Variants in SPDYE5 observed in about 807,000 individuals in gnomAD.
SPDYE5 encodes speedy protein E5.
In SPDYE5, 15 loss-of-function variants were observed where a neutral mutation model predicts 48.5. That is an observed-to-expected ratio of 0.31 (90% CI 0.21 to 0.48). The LOEUF is 0.48. Ranked by LOEUF, SPDYE5 falls within the 20% of genes least tolerant of loss-of-function variation. The probability of loss-of-function intolerance (pLI) is 0.99; values close to 1 mark genes in which losing one functional copy is unlikely to be tolerated. For synonymous variants in SPDYE5, 116 were observed against 200.7 expected (o/e 0.58, Z 3.57); for missense variants, 331 against 549.1 (o/e 0.60, Z 3.97).
chr7:75,498,993 C>T (rs1793044276), intron 5 of SPDYE5, among the ~76,000 whole-genome samples: 1 of 146,884 alleles, frequency 6.8e-6, no homozygotes, highest in Admixed American at 7.0e-5. Context: ...CTCCAAAGAT[C>T]CCATCGGAGC....
intron 3 of SPDYE5, among the ~76,000 whole-genome samples, chr7:75,496,034 AGAAG>A (rs1436795236): frequency 1.4e-5 from 2 of 147,836 alleles, no homozygotes; most frequent in African/African-American, 2.5e-5. Flanking sequence ...AAAAAAAAAA[AGAAG>A]GAAGGAAGGG....
rs587761588 is a variant in SPDYE5, at chr7:75,501,721, G to A, written c.1115G>A (p.Gly372Asp). 1 of 1,611,642 alleles carries A rather than the reference G, an allele frequency of 6.2e-7. No individual in the cohort carries two copies. Among genetic ancestry groups the A allele is most frequent in the East Asian group, 2.2e-5 (1 of 44,862 alleles). The change falls in exon 7 of 9, where the codon GGC becomes GAC. Residue 372 changes from glycine (G) to aspartate (D), a missense_variant. Gly to Asp is a moderately conservative substitution (Grantham distance 94). Around this residue, in one of 8 missense-constraint regions of SPDYE5, gnomAD observed 101 missense variants for 104.0 expected, o/e 0.97. Transcript: ENST00000625065. ...RRFQFFCSMS[G>D]RAWVSPEELE... ...TTCCAGTTCTTCTGTTCCATGAGCG[G>A]CAGGGCTTGGGTTTCCCCGGAGGAG...
rs1363215530 is a variant in SPDYE5, at chr7:75,494,043, A to C, written c.-5A>C. ...CTGGATCCTAGCAGTGATCAGAAGA[A>C]GGCCATGGACAGAACGGAGACTAGG... On this transcript the variant is annotated 5_prime_UTR_variant, in exon 2 of 9. Transcript: ENST00000625065. The C allele has an allele frequency of 9.8e-6, 15 of 1,523,860 alleles. No homozygotes were observed. The highest frequency in any genetic ancestry group is 4.8e-5 in the South Asian group (4 of 83,324). 94.4% of individuals were successfully genotyped at this position (1,523,860 alleles called of 1,614,324 possible).
Position 75,501,761 on chromosome 7 carries a change from T to G in SPDYE5, c.1149+6T>G, listed in dbSNP as rs1584743616. ...CCCCGGAGGAGTTGGAGGAGGTAGG[T>G]GGGGCCTGGGGAGGTGGAGGAGGTG... is the stretch of plus-strand genomic sequence containing the variant. On this transcript the variant is annotated splice_donor_region_variant and intron_variant, in intron 7 of 8. Coordinates refer to ENST00000625065, the MANE Select transcript of SPDYE5 (RefSeq NM_001306141.4). 4.2e-6 allele frequency: 6 copies of G among 1,429,630 alleles called. No homozygotes were observed. In the African/African-American group the frequency reaches 7.0e-5, roughly 17 times the overall value. 88.6% of individuals were successfully genotyped at this position (1,429,630 alleles called of 1,614,324 possible). A position where few individuals can be genotyped will look rare whatever the true frequency, so the allele number is the denominator to read the frequency against.
intron 8 of SPDYE5, among the ~76,000 whole-genome samples, chr7:75,502,309 T>C (rs62477727): frequency 3.0e-4 from 45 of 149,976 alleles, no homozygotes; most frequent in African/African-American, 8.6e-4. Flanking sequence ...TTATGATTGA[T>C]GCACTTGAGT....
At chr7:75,496,404 C>CAAAA (rs1175143877) in intron 3 of SPDYE5, among the ~76,000 whole-genome samples, 2 of 27,458 alleles carry the variant, frequency 7.3e-5, no homozygotes, top group Admixed American at 6.0e-4. Context: ...ACAACAACAA[C>CAAAA]AAAAAAAAAA....
At chr7:75,496,034 A>AAAGAAG (rs1554482476) in intron 3 of SPDYE5, among the ~76,000 whole-genome samples, 4 of 147,834 alleles carry the variant, frequency 2.7e-5, no homozygotes, top group Non-Finnish European at 6.0e-5. Flanking sequence ...AAAAAAAAAA[A>AAAGAAG]GAAGGAAGGA....
chr7:75,496,385 T>TCAACAACAA (rs1300121187), intron 3 of SPDYE5, among the ~76,000 whole-genome samples: 2 of 82,322 alleles, frequency 2.4e-5, no homozygotes, highest in Admixed American at 1.8e-4. Context: ...AGACTGTTTC[T>TCAACAACAA]CAACAACAAC....
In SPDYE5 at chr7:75,493,984, T is replaced by G. The variant is rs1792829609; in HGVS notation, c.-64T>G. On this transcript the variant is annotated 5_prime_UTR_variant, in exon 2 of 9. Transcript: ENST00000625065. ...CTCAGAGCTGTTCTCCACTCCTGAC[T>G]TCTCCTAGGCTTGAGAATTGATAAC... 1 of 1,514,438 alleles carries G rather than the reference T, an allele frequency of 6.6e-7. No homozygotes were observed. Among genetic ancestry groups the G allele is most frequent in the Non-Finnish European group, 8.8e-7 (1 of 1,136,718 alleles). The allele number at this position is 1,514,438 out of a possible 1,614,324, so 93.8% of individuals were successfully genotyped here.
At chr7:75,497,572 T>C (rs1554482769) in intron 4 of SPDYE5, among the ~76,000 whole-genome samples, 1 of 147,398 alleles carries the variant, frequency 6.8e-6, no homozygotes, top group African/African-American at 2.5e-5. Context: ...TTTCCATCCA[T>C]AGTGAGGGAT....
rs1488497369 is a variant in SPDYE5, at chr7:75,504,106, A to G, written c.*1319A>G. 1.3e-5 allele frequency: 2 copies of G among 152,164 alleles called. No individual in the cohort carries two copies. The highest frequency in any genetic ancestry group is 2.4e-5 in the African/African-American group (1 of 41,446). The allele number at this position is 152,164 out of a possible 1,614,324, so 9.4% of individuals were successfully genotyped here. A position where few individuals can be genotyped will look rare whatever the true frequency, so the allele number is the denominator to read the frequency against. On this transcript the variant is annotated 3_prime_UTR_variant, in exon 9 of 9. Coordinates refer to ENST00000625065, the MANE Select transcript of SPDYE5 (RefSeq NM_001306141.4). ...GTAGTTCCCCTAAATTCTTGTAAAAATAAATTTTTATTTGATATTTCATAT... is the reference window on the plus strand; with the variant it reads ...GTAGTTCCCCTAAATTCTTGTAAAAGTAAATTTTTATTTGATATTTCATAT...
chr7:75,491,702 ATTTTTTTTTTTT>A (rs782071463), upstream of SPDYE5, among the ~76,000 whole-genome samples: 16 of 70,906 alleles, frequency 2.3e-4, no homozygotes, highest in African/African-American at 5.8e-4. Context: ...CTGTTTAGCC[ATTTTTTTTTTTT>A]TTTTTTTTTT....
rs587723638 is a variant in SPDYE5 at position 75,502,038 on chromosome 7, C to T, written c.*45+56C>T. On this transcript the variant is annotated intron_variant, in intron 8 of 8. Coordinates refer to ENST00000625065, the MANE Select transcript of SPDYE5 (RefSeq NM_001306141.4). ...AATATTGGGGTCTATTTCGGAAATC[C>T]GAAGAACCCAATTGCTTGATCCGGC... The T allele has an allele frequency of 4.0e-4, 613 of 1,527,020 alleles. 8 individuals carry two copies. In the South Asian group the frequency reaches 6.3e-3, roughly 16 times the overall value. The allele number at this position is 1,527,020 out of a possible 1,614,324, so 94.6% of individuals were successfully genotyped here.
chr7:75,501,714 A>G lies in SPDYE5; in HGVS notation c.1108A>G (p.Met370Val), dbSNP rs782218696. The G allele has an allele frequency of 1.9e-5, 30 of 1,569,472 alleles. No homozygotes were observed. The highest frequency in any genetic ancestry group is 2.4e-5 in the Non-Finnish European group (28 of 1,153,924). Reference protein sequence around the residue: ...QKRRFQFFCSMSGRAWVSPEE... With the variant: ...QKRRFQFFCSVSGRAWVSPEE... ...ACGTCGGTTCCAGTTCTTCTGTTCCATGAGCGGCAGGGCTTGGGTTTCCCC... is the reference window on the plus strand; with the variant it reads ...ACGTCGGTTCCAGTTCTTCTGTTCCGTGAGCGGCAGGGCTTGGGTTTCCCC... The change falls in exon 7 of 9, where the codon ATG (methionine) becomes GTG (valine). Residue 370 changes from methionine (M) to valine (V), a missense_variant. Met to Val is a conservative substitution (Grantham distance 21). Transcript: ENST00000625065.
Position 75,503,111 on chromosome 7 carries a change from C to A in SPDYE5, c.*324C>A. The stretch of plus-strand genomic sequence containing the variant: ...CAGCACCACCACCCTTTCTATATTG[C>A]TGAATTCCAACCTCCCTGGGGCGGA... On this transcript the variant is annotated 3_prime_UTR_variant, in exon 9 of 9. Coordinates refer to ENST00000625065, the MANE Select transcript of SPDYE5 (RefSeq NM_001306141.4). 2 of 497,630 alleles carry A rather than the reference C, an allele frequency of 4.0e-6. No homozygotes were observed. Among genetic ancestry groups the A allele is most frequent in the Non-Finnish European group, 7.7e-6 (2 of 260,950 alleles). The allele number at this position is 497,630 out of a possible 1,614,324, so 30.8% of individuals were successfully genotyped here.
intron 4 of SPDYE5, among the ~76,000 whole-genome samples, chr7:75,497,264 ACT>A (rs1374056173): frequency 2.6e-5 from 4 of 151,676 alleles, no homozygotes; most frequent in Non-Finnish European, 5.9e-5. Context: ...AGAGCAAAAC[ACT>A]GTCTCAAAAG....
rs1584734848 is a variant in SPDYE5 at position 75,493,714 on chromosome 7, A to T, written c.-334A>T. ...TGGAGAGGACACAGCCTCTGCTGGG[A>T]CAGGGAACAGAGGGATGTGGAGTCC... On this transcript the variant is annotated 5_prime_UTR_variant, in exon 2 of 9. Transcript: ENST00000625065. The T allele has an allele frequency of 9.3e-6, 13 of 1,396,110 alleles. No homozygotes were observed. In the East Asian group the frequency reaches 3.4e-4, roughly 36 times the overall value. 86.5% of individuals were successfully genotyped at this position (1,396,110 alleles called of 1,614,324 possible).
rs1343643053 is a variant in SPDYE5, at chr7:75,499,953, C to T, written c.755+637C>T. ...GGTTCTTCTCTCTCTCTCCTTCCCA[C>T]ATCAACCACAAACGCCATCGACCTC... On this transcript the variant is annotated intron_variant, in intron 6 of 8. Coordinates refer to ENST00000625065, the MANE Select transcript of SPDYE5 (RefSeq NM_001306141.4). Among the ~76,000 whole-genome samples, 5 of 140,786 alleles carry T rather than the reference C, an allele frequency of 3.6e-5. No individual in the cohort carries two copies. The East Asian group carries it at 6.4e-4, about 18-fold the overall frequency. 92.4% of individuals were successfully genotyped at this position (140,786 alleles called of 152,430 possible).
intron 1 of SPDYE5, among the ~76,000 whole-genome samples, chr7:75,492,856 C>G (rs1792786661): frequency 1.3e-5 from 2 of 152,158 alleles, no homozygotes; most frequent in Admixed American, 6.6e-5. Flanking sequence ...AGTGCAGTGG[C>G]AAGATCATGG....
Sources: allele counts gnomAD v4.1 joint callset (sites outside exome capture counted in the v4.1 genomes callset), GRCh38; gene constraint gnomAD v4.1.1; regional missense constraint gnomAD v4.1.1; transcripts MANE v1.5; gene names NCBI Gene and HGNC (gene_info 2026-07-23, HGNC 2026-07-21).